The following SPECC1L variants were observed in gnomAD, a reference collection of about 807,000 sequenced individuals.
SPECC1L encodes the protein sperm antigen with calponin homology and coiled-coil domains 1 like.
A neutral mutation model predicts 116.8 loss-of-function variants in SPECC1L; 40 were observed. That is an observed-to-expected ratio of 0.34 (90% CI 0.27 to 0.45). The LOEUF (loss-of-function observed/expected upper bound fraction) is 0.45, where lower values mean the gene tolerates loss of function less well. Ranked by LOEUF, SPECC1L falls within the 20% of genes least tolerant of loss-of-function variation. The pLI, the probability that SPECC1L is intolerant of heterozygous loss-of-function variation, is 1.00. For missense variants in SPECC1L, 1,110 were observed against 1,373.6 expected (o/e 0.81, Z 3.03); for synonymous variants, 504 against 500.6 (o/e 1.01, Z -0.09).
chr22:24,343,611 C>T (rs759821451), intron 10 of SPECC1L: 1 of 300,478 alleles, frequency 3.3e-6, no homozygotes, highest in South Asian at 2.4e-5. Context: ...CAGGTGCGTA[C>T]CATGGTGCCT....
intron 14 of SPECC1L, among the ~76,000 whole-genome samples, chr22:24,403,211 C>T (rs889364997): frequency 3.9e-5 from 6 of 151,990 alleles, no homozygotes; most frequent in Non-Finnish European, 7.4e-5. Context: ...GTGCAGAGGC[C>T]GTTTTGAAAG....
chr22:24,353,981 G>A (rs1407795600), intron 11 of SPECC1L, among the ~76,000 whole-genome samples: 1 of 152,236 alleles, frequency 6.6e-6, no homozygotes, highest in African/African-American at 2.4e-5. Context: ...GAGGCATGGT[G>A]CCAGCATCCG....
intron 11 of SPECC1L, among the ~76,000 whole-genome samples, chr22:24,360,817 A>C (rs1252494796): frequency 6.6e-6 from 1 of 152,194 alleles, no homozygotes; most frequent in Non-Finnish European, 1.5e-5. Flanking sequence ...TAAAACATTG[A>C]TCTTTGTTTC....
At chr22:24,329,314 T>C (rs200879769) in intron 7 of SPECC1L, among the ~76,000 whole-genome samples, 1 of 152,248 alleles carries the variant, frequency 6.6e-6, no homozygotes. Context: ...GAAATGCTTT[T>C]GGATAAGTGA....
At chr22:24,383,091 AAATATTCGAGGC>A (rs2146700308) in intron 14 of SPECC1L, among the ~76,000 whole-genome samples, 1 of 152,348 alleles carries the variant, frequency 6.6e-6, no homozygotes, top group South Asian at 2.1e-4. Context: ...TGACAAAGGG[AAATATTCGAGGC>A]CTTCGGTTGA....
At chr22:24,381,379 C>T (rs1254318975) in intron 14 of SPECC1L, among the ~76,000 whole-genome samples, 1 of 152,116 alleles carries the variant, frequency 6.6e-6, no homozygotes, top group Non-Finnish European at 1.5e-5. Flanking sequence ...TATTTTAGTG[C>T]TGCCTGAGGT....
At chr22:24,369,068 C>T (rs1346680675) in intron 13 of SPECC1L, 150 bp from the exon 14 acceptor site, 20 of 679,402 alleles carry the variant, frequency 2.9e-5, no homozygotes, top group Non-Finnish European at 5.1e-5. Flanking sequence ...GAGCCATAAA[C>T]TAAAAATCAA....
At chr22:24,347,031 T>C in intron 10 of SPECC1L, 55 bp from the exon 11 acceptor site, 1 of 1,362,728 alleles carries the variant, frequency 7.3e-7, no homozygotes. Context: ...CGGCATTTAC[T>C]TTGTGAGTCC....
Position 24,330,291 on chromosome 22 carries a change from T to C in SPECC1L, c.2256T>C (p.Asp752=). 6.2e-7 allele frequency: 1 copy of C among 1,614,126 alleles called. No homozygotes were observed. Among genetic ancestry groups the C allele is most frequent in the South Asian group, 1.1e-5 (1 of 91,080 alleles). The stretch of plus-strand genomic sequence containing the variant: ...CGGAATGGCGGCAGTTTCAGGCTGA[T>C]CTCCAGACTGCAGTAGTCATTGCAA... The part of the protein sequence containing the change: ...ESAEWRQFQA[D]LQTAVVIAND... The change falls in exon 8 of 17, where the codon GAT becomes GAC. Residue 752 remains aspartate (D), a synonymous_variant. Coordinates refer to ENST00000314328, the MANE Select transcript of SPECC1L (RefSeq NM_015330.6).
At chr22:24,338,556 C>G (rs914172550) in intron 10 of SPECC1L, 79 bp downstream of exon 10, 5 of 1,282,170 alleles carry the variant, frequency 3.9e-6, no homozygotes, top group African/African-American at 2.9e-5. Context: ...GTCATTTACA[C>G]CTGTATTAGT....
intron 14 of SPECC1L, among the ~76,000 whole-genome samples, chr22:24,401,199 T>TTAGG (rs2042466699): frequency 6.6e-6 from 1 of 152,326 alleles, no homozygotes; most frequent in Non-Finnish European, 1.5e-5. Context: ...TATGTCTCTT[T>TTAGG]TAGGTCTCTT....
intron 14 of SPECC1L, among the ~76,000 whole-genome samples, chr22:24,374,579 A>G (rs1601305327): frequency 7.1e-6 from 1 of 141,840 alleles, no homozygotes; most frequent in East Asian, 2.1e-4. Flanking sequence ...AACAATGAGA[A>G]CACATGGACA....
At chr22:24,294,324 A>C (rs1350408631) in intron 2 of SPECC1L, among the ~76,000 whole-genome samples, 1 of 142,340 alleles carries the variant, frequency 7.0e-6, no homozygotes, top group African/African-American at 2.6e-5. Context: ...GTTCATTTAC[A>C]TGTCCTGTTT....
At chr22:24,286,379 T>C (rs2049043687) in intron 2 of SPECC1L, among the ~76,000 whole-genome samples, 1 of 152,256 alleles carries the variant, frequency 6.6e-6, no homozygotes, top group Non-Finnish European at 1.5e-5. Flanking sequence ...GGTTATGTTA[T>C]ATTGACATTC....
intron 2 of SPECC1L, among the ~76,000 whole-genome samples, chr22:24,290,140 C>G (rs2042018241): frequency 6.6e-6 from 1 of 152,244 alleles, no homozygotes; most frequent in Admixed American, 6.5e-5. Context: ...AGCAGTCTTT[C>G]TCCTGTGGAT....
At chr22:24,290,301 G>A (rs148333347) in intron 2 of SPECC1L, among the ~76,000 whole-genome samples, 26 of 152,354 alleles carry the variant, frequency 1.7e-4, no homozygotes, top group African/African-American at 6.3e-4. Flanking sequence ...AGAGGACATA[G>A]AGTACAGTTT....
At position 24,302,930 on chromosome 22, in the gene SPECC1L, C is replaced by CGAT. The variant is rs75972989; in HGVS notation, c.153+565_153+567dup. Among the ~76,000 whole-genome samples the CGAT allele has an allele frequency of 8.9e-4, 135 of 151,858 alleles. 1 individual carries two copies. The highest frequency in any genetic ancestry group is 2.4e-3 in the African/African-American group (98 of 41,410). On this transcript the variant is annotated intron_variant, in intron 3 of 16. Transcript: ENST00000314328. ...TGCTGTTCTTCTGGCAGCTGGTCCA[C>CGAT]GATGATGATGATGATGATGATTATA...
At position 24,338,416 on chromosome 22, in the gene SPECC1L, G is replaced by A. The variant is rs201668344; in HGVS notation, c.2591G>A (p.Arg864Gln). 1.9e-5 allele frequency: 31 copies of A among 1,613,930 alleles called. No individual in the cohort carries two copies. Among genetic ancestry groups the A allele is most frequent in the Non-Finnish European group, 2.5e-5 (29 of 1,179,978 alleles). ...AACCCTGCTGCAGCTGCAATTCCTC[G>A]AACGCCCCTGAGCCCAAGTCCTATG... ...VPNPAAAAIPRTPLSPSPMKT... is the reference protein window; with the variant it reads ...VPNPAAAAIPQTPLSPSPMKT... Residue 864 changes from arginine to glutamine, a missense_variant, in exon 10 of 17, where the codon CGA (arginine) becomes CAA (glutamine). This residue lies in a region of SPECC1L where 575 missense variants were observed against 682.4 expected (regional missense o/e 0.84). Coordinates refer to ENST00000314328, the MANE Select transcript of SPECC1L (RefSeq NM_015330.6).
intron 14 of SPECC1L, among the ~76,000 whole-genome samples, chr22:24,383,350 G>A (rs2042097075): frequency 1.3e-5 from 2 of 152,172 alleles, no homozygotes; most frequent in African/African-American, 4.8e-5. Flanking sequence ...ACCAAGGTGG[G>A]AGGATTACTG....
Sources: gnomAD v4.1 joint callset for allele counts (sites outside exome capture counted in the v4.1 genomes callset) on GRCh38, gnomAD v4.1.1 for gene constraint, gnomAD v4.1.1 regional missense constraint, MANE v1.5 for transcripts, NCBI Gene and HGNC (gene_info 2026-07-23, HGNC 2026-07-21) for gene names.